The following CDC14A variants were observed in gnomAD, a reference collection of about 807,000 sequenced individuals.
CDC14A encodes the protein dual specificity protein phosphatase CDC14A.
In CDC14A, 53 loss-of-function variants were observed where a neutral mutation model predicts 74.4. That is an observed-to-expected ratio of 0.71 (90% CI 0.57 to 0.89). The LOEUF is 0.89. Among genes scored for constraint, CDC14A ranks in the 40% least tolerant of loss-of-function variants. The pLI is 0.00. For synonymous variants in CDC14A, 247 were observed against 258.4 expected (o/e 0.96, Z 0.43); for missense variants, 646 against 713.7 (o/e 0.91, Z 1.08).
At chr1:100,491,518 ATCTCTCTCTCTCTC>A (rs761858427) in intron 11 of CDC14A, among the ~76,000 whole-genome samples, 1 of 26,602 alleles carries the variant, frequency 3.8e-5, no homozygotes, top group African/African-American at 1.0e-4. Flanking sequence ...ATATATCTGC[ATCTCTCTCTCTCTC>A]TCTCTCTCTC....
chr1:100,475,504 G>A (rs933258949), intron 10 of CDC14A, among the ~76,000 whole-genome samples: 4 of 152,176 alleles, frequency 2.6e-5, no homozygotes, highest in African/African-American at 4.8e-5. Flanking sequence ...AAAACATTCT[G>A]TTGTATCTGG....
chr1:100,463,013 AC>A (rs1409830123), intron 9 of CDC14A, 132 bp downstream of exon 9: 4 of 653,826 alleles, frequency 6.1e-6, no homozygotes, highest in Non-Finnish European at 7.9e-6. Flanking sequence ...GACAACTGGG[AC>A]ACAAACTCAT....
intron 4 of CDC14A, among the ~76,000 whole-genome samples, chr1:100,417,865 G>GT (rs1170384222): frequency 7.9e-5 from 12 of 152,270 alleles, no homozygotes; most frequent in African/African-American, 2.4e-4. Context: ...TTAAACATAG[G>GT]TTTTTTGCTG....
chr1:100,507,459 C>T (rs752327900), intron 15 of CDC14A, among the ~76,000 whole-genome samples: 7 of 151,638 alleles, frequency 4.6e-5, no homozygotes, highest in African/African-American at 7.3e-5. Context: ...AATTCTCAGC[C>T]ATCATTCTTC....
At chr1:100,432,500 G>GAA (rs1663816056) in intron 5 of CDC14A, among the ~76,000 whole-genome samples, 1 of 152,192 alleles carries the variant, frequency 6.6e-6, no homozygotes, top group South Asian at 2.1e-4. Context: ...GGATTTCAAA[G>GAA]ATGTAGTATA....
intron 2 of CDC14A, among the ~76,000 whole-genome samples, chr1:100,377,098 ATC>A (rs1174648359): frequency 1.1e-4 from 16 of 149,116 alleles, no homozygotes; most frequent in Non-Finnish European, 1.5e-4. Flanking sequence ...CAGTGGTGCG[ATC>A]TCTGGCTCAC....
chr1:100,353,688 A>C (rs1651461135), intron 1 of CDC14A, 74 bp from the exon 2 acceptor site: 3 of 751,298 alleles, frequency 4.0e-6, no homozygotes, highest in East Asian at 5.2e-5. Context: ...GATCCTTCGT[A>C]TGTTACCACC....
intron 15 of CDC14A, among the ~76,000 whole-genome samples, chr1:100,506,411 C>T (rs1022918583): frequency 2.7e-4 from 32 of 119,634 alleles, no homozygotes; most frequent in African/African-American, 7.6e-4. Context: ...TTCAACATTG[C>T]GATTTTTTTT....
At chr1:100,451,910 A>G (rs533133697) in intron 7 of CDC14A, among the ~76,000 whole-genome samples, 21 of 152,318 alleles carry the variant, frequency 1.4e-4, no homozygotes, top group African/African-American at 4.6e-4. Flanking sequence ...GGACTCTGTA[A>G]AAGCATAGAG....
At chr1:100,414,403 C>G (rs1398623549) in intron 4 of CDC14A, among the ~76,000 whole-genome samples, 1 of 152,174 alleles carries the variant, frequency 6.6e-6, no homozygotes, top group Non-Finnish European at 1.5e-5. Context: ...TAAAGACTTT[C>G]TATAATTGCT....
intron 9 of CDC14A, among the ~76,000 whole-genome samples, chr1:100,467,010 A>C (rs1280665057): frequency 6.6e-6 from 1 of 151,932 alleles, no homozygotes; most frequent in Admixed American, 6.6e-5. Context: ...TATGCAGTCT[A>C]TCTGTGACAG....
intron 4 of CDC14A, chr1:100,393,596 C>A: frequency 2.9e-6 from 2 of 698,056 alleles, no homozygotes; most frequent in South Asian, 2.8e-5. Flanking sequence ...GAGTTTACTT[C>A]TCCACCAGCA....
intron 1 of CDC14A, among the ~76,000 whole-genome samples, chr1:100,347,435 C>T (rs925298344): frequency 3.9e-5 from 6 of 152,198 alleles, no homozygotes; most frequent in Non-Finnish European, 7.3e-5. Flanking sequence ...TCCCAGGTCC[C>T]TTCTGGTTTT....
chr1:100,409,977 A>G (rs940812638), intron 4 of CDC14A, among the ~76,000 whole-genome samples: 2 of 152,204 alleles, frequency 1.3e-5, no homozygotes, highest in Non-Finnish European at 2.9e-5. Flanking sequence ...CAAGCTATGT[A>G]TTTTATCCAG....
At chr1:100,420,082 A>ATATATATGT (rs58124351) in intron 4 of CDC14A, among the ~76,000 whole-genome samples, 4 of 105,526 alleles carry the variant, frequency 3.8e-5, no homozygotes, top group African/African-American at 1.3e-4. Flanking sequence ...ATATATATAT[A>ATATATATGT]GTGTGTATGT....
chr1:100,413,881 A>G (rs1661188071), intron 4 of CDC14A, among the ~76,000 whole-genome samples: 1 of 152,190 alleles, frequency 6.6e-6, no homozygotes, highest in Non-Finnish European at 1.5e-5. Flanking sequence ...AACATTAGAA[A>G]TAATTCAGGG....
intron 2 of CDC14A, among the ~76,000 whole-genome samples, chr1:100,374,760 A>G (rs1281899483): frequency 6.6e-6 from 1 of 152,226 alleles, no homozygotes; most frequent in African/African-American, 2.4e-5. Flanking sequence ...GGTGGCAGCA[A>G]AAAAATTAAA....
intron 7 of CDC14A, 135 bp from the exon 8 acceptor site, chr1:100,455,270 A>G: frequency 8.1e-6 from 5 of 616,592 alleles, no homozygotes; most frequent in Non-Finnish European, 1.4e-5. Context: ...GCATGTTTTT[A>G]TTTTAAGCTA....
At chr1:100,498,587 T>C (rs960481208) in intron 14 of CDC14A, among the ~76,000 whole-genome samples, 4 of 152,208 alleles carry the variant, frequency 2.6e-5, no homozygotes, top group African/African-American at 9.7e-5. Context: ...AAGTCTGCTT[T>C]TAATGCTCCC....
Sources: allele counts gnomAD v4.1 joint callset (sites outside exome capture counted in the v4.1 genomes callset), GRCh38; gene constraint gnomAD v4.1.1; transcripts MANE v1.5; gene names NCBI Gene and HGNC (gene_info 2026-07-23, HGNC 2026-07-21).